The following BCAS3 variants were observed in gnomAD, a reference collection of about 807,000 sequenced individuals.
BCAS3 encodes BCAS4/BCAS3 fusion.
In BCAS3, 53 loss-of-function variants were observed where a neutral mutation model predicts 116.1. The observed-to-expected ratio is 0.46, with a 90% CI of 0.37 to 0.57. The LOEUF is 0.57. Among genes scored for constraint, BCAS3 ranks in the 20% least tolerant of loss-of-function variants. BCAS3 has a pLI of 0.00. For synonymous variants in BCAS3, 391 were observed against 408.2 expected (o/e 0.96, Z 0.51); for missense variants, 917 against 1,165.4 (o/e 0.79, Z 3.10).
At chr17:61,277,190 G>A (rs2050830297) in intron 22 of BCAS3, among the ~76,000 whole-genome samples, 1 of 147,370 alleles carries the variant, frequency 6.8e-6, no homozygotes, top group African/African-American at 2.5e-5. Flanking sequence ...CTTTTTCTAG[G>A]AGTTCAAGGT....
intron 10 of BCAS3, among the ~76,000 whole-genome samples, chr17:60,897,367 A>G (rs765998618): frequency 9.9e-5 from 15 of 152,136 alleles, no homozygotes; most frequent in Non-Finnish European, 1.9e-4. Flanking sequence ...ATTTTAGACA[A>G]TGACTATAAT....
chr17:61,121,707 T>C (rs2075797398), intron 22 of BCAS3, among the ~76,000 whole-genome samples: 2 of 152,248 alleles, frequency 1.3e-5, no homozygotes, highest in Admixed American at 1.3e-4. Context: ...GCCTGTGTTA[T>C]TATAAGGCTC....
intron 7 of BCAS3, among the ~76,000 whole-genome samples, chr17:60,837,731 G>A (rs1317142907): frequency 6.8e-6 from 1 of 147,576 alleles, no homozygotes; most frequent in Non-Finnish European, 1.5e-5. Flanking sequence ...TTGGCTCACT[G>A]CAACCTCTAT....
chr17:60,881,702 G>T (rs1486986548), intron 9 of BCAS3, among the ~76,000 whole-genome samples: 1 of 149,240 alleles, frequency 6.7e-6, no homozygotes, highest in East Asian at 2.0e-4. Context: ...TTGGTTTTTT[G>T]GTCTTGCGAT....
chr17:60,773,445 G>A (rs1490040084), intron 6 of BCAS3, among the ~76,000 whole-genome samples: 4 of 151,544 alleles, frequency 2.6e-5, no homozygotes, highest in East Asian at 3.9e-4. Flanking sequence ...GGCAAGCACC[G>A]CCACATCTGG....
chr17:60,773,956 T>A (rs368251587), intron 6 of BCAS3, among the ~76,000 whole-genome samples: 1 of 152,252 alleles, frequency 6.6e-6, no homozygotes, highest in African/African-American at 2.4e-5. Flanking sequence ...CTTACTGTTA[T>A]GTTCGTTGTG....
chr17:60,786,608 G>A (rs1238888686), intron 6 of BCAS3, among the ~76,000 whole-genome samples: 1 of 150,884 alleles, frequency 6.6e-6, no homozygotes, highest in African/African-American at 2.4e-5. Context: ...TAAAATCTAT[G>A]TATATTACTA....
intron 5 of BCAS3, 126 bp downstream of exon 5, chr17:60,709,451 G>A (rs376242953): frequency 6.6e-5 from 38 of 577,936 alleles, no homozygotes; most frequent in East Asian, 3.2e-4. Context: ...ATGCAGTGGT[G>A]CGATCTCGGC....
chr17:60,755,861 C>T (rs1264891607), intron 6 of BCAS3, among the ~76,000 whole-genome samples: 9 of 152,188 alleles, frequency 5.9e-5, no homozygotes, highest in African/African-American at 2.2e-4. Flanking sequence ...ATATTTCTTA[C>T]GTGCATAGAA....
rs1485724959 is a variant in BCAS3 at position 61,377,124 on chromosome 17, C to T, written c.2593+8630C>T. 6.6e-6 allele frequency among the ~76,000 whole-genome samples: 1 copy of T among 152,206 alleles called. No individual in the cohort carries two copies. Among genetic ancestry groups the T allele is most frequent in the African/African-American group, 2.4e-5 (1 of 41,460 alleles). On this transcript the variant is annotated intron_variant, in intron 23 of 23. Transcript: ENST00000407086. This position sits in a 1 kb window ranked among gnomAD's most constrained non-coding sequence, Gnocchi z 4.6. ...CTGGACCAAGTGGAAGTCAGGAGTG[C>T]TCCCCTGCCCACAGGGCATGGTCTT... is the stretch of plus-strand genomic sequence containing the variant.
chr17:61,296,336 C>A (rs973706835), intron 22 of BCAS3, among the ~76,000 whole-genome samples: 8 of 152,166 alleles, frequency 5.3e-5, no homozygotes, highest in Non-Finnish European at 4.4e-5. Flanking sequence ...AGCACGATCA[C>A]TATGAGTTGA....
chr17:61,005,285 C>CT (rs2064587250), intron 15 of BCAS3, among the ~76,000 whole-genome samples: 1 of 151,670 alleles, frequency 6.6e-6, no homozygotes, highest in Non-Finnish European at 1.5e-5. Flanking sequence ...TGATTTTTTT[C>CT]TTTTTCTTTT....
intron 22 of BCAS3, among the ~76,000 whole-genome samples, chr17:61,103,477 G>A (rs2074453567): frequency 6.6e-6 from 1 of 152,104 alleles, no homozygotes; most frequent in Non-Finnish European, 1.5e-5. Context: ...AACTCCCTAA[G>A]TCTCCTCTTC....
chr17:61,048,951 A>G (rs560565705), intron 19 of BCAS3, among the ~76,000 whole-genome samples: 11 of 152,114 alleles, frequency 7.2e-5, no homozygotes, highest in African/African-American at 2.2e-4. Flanking sequence ...TTAGATCTAA[A>G]TATAAAAAAC....
chr17:60,722,056 TGTATC>T (rs1274142799), intron 5 of BCAS3, among the ~76,000 whole-genome samples: 1 of 152,238 alleles, frequency 6.6e-6, no homozygotes, highest in Admixed American at 6.5e-5. Context: ...TTTGCTGTGT[TGTATC>T]TATCATATGA....
At chr17:60,913,029 A>C (rs574722664) in intron 12 of BCAS3, among the ~76,000 whole-genome samples, 1 of 152,222 alleles carries the variant, frequency 6.6e-6, no homozygotes, top group Non-Finnish European at 1.5e-5. Flanking sequence ...CTTATGTTTT[A>C]AAATGTGGTT....
rs1420256112 is a variant in BCAS3, at chr17:61,131,697, G to T, written c.2425+47133G>T. Among the ~76,000 whole-genome samples the T allele has an allele frequency of 2.6e-5, 4 of 152,290 alleles. No individual in the cohort carries two copies. The highest frequency in any genetic ancestry group is 9.6e-5 in the African/African-American group (4 of 41,566). On this transcript the variant is annotated intron_variant, in intron 22 of 23. Transcript: ENST00000407086. This position sits in a 1 kb window ranked among gnomAD's most constrained non-coding sequence, Gnocchi z 4.4. ...TTTCTTTCCCTGAGAGTGCTGATTA[G>T]TGACTTGCGGTGTGGATTCTGATTT...
At position 60,990,154 on chromosome 17, in the gene BCAS3, C is replaced by G; in HGVS notation, c.1405C>G (p.Gln469Glu). Reference protein sequence around the residue: ...QKSAGLEEIEQELTSKQGGRC... With the variant: ...QKSAGLEEIEEELTSKQGGRC... ...AAGTGCTGGACTGGAAGAGATTGAA[C>G]AAGAACTGACGTCTAAGCAAGGAGG... Residue 469 changes from glutamine to glutamate, a missense_variant, in exon 15 of 24, where the codon CAA (glutamine) becomes GAA (glutamate). Transcript: ENST00000407086. The surrounding 1 kb of genome is among the most constrained non-coding windows in gnomAD (Gnocchi z 5.1). The G allele has an allele frequency of 1.2e-6, 2 of 1,614,184 alleles. No homozygotes were observed. Among genetic ancestry groups the G allele is most frequent in the Non-Finnish European group, 1.7e-6 (2 of 1,180,028 alleles).
Position 61,162,326 on chromosome 17 carries a change from G to C in BCAS3, c.2425+77762G>C, listed in dbSNP as rs1233258420. Among the ~76,000 whole-genome samples, 1 of 152,150 alleles carries C rather than the reference G, an allele frequency of 6.6e-6. No individual in the cohort carries two copies. Among genetic ancestry groups the C allele is most frequent in the Non-Finnish European group, 1.5e-5 (1 of 68,022 alleles). On this transcript the variant is annotated intron_variant, in intron 22 of 23. Transcript: ENST00000407086. This position sits in a 1 kb window ranked among gnomAD's most constrained non-coding sequence, Gnocchi z 5.6. ...ATAGGTAGGGAATCATTTCTCAGGA[G>C]AAGGAGAGCTTGCGAATGGAAGGGG...
Sources: gnomAD v4.1 joint callset for allele counts (sites outside exome capture counted in the v4.1 genomes callset) on GRCh38, gnomAD v4.1.1 for gene constraint, Gnocchi (gnomAD v3.1) non-coding constraint, MANE v1.5 for transcripts, NCBI Gene and HGNC (gene_info 2026-07-23, HGNC 2026-07-21) for gene names.